Variants in FHIT observed in about 807,000 individuals in gnomAD.
FHIT encodes bis(5'-adenosyl)-triphosphatase.
A neutral mutation model predicts 17.9 loss-of-function variants in FHIT; 19 were observed. The ratio of observed to expected loss-of-function variants is 1.06; its 90% CI spans 0.74 to 1.56. The LOEUF (loss-of-function observed/expected upper bound fraction) is 1.56. FHIT is among the 40% of genes most tolerant of loss of function. The pLI, the probability that FHIT is intolerant of heterozygous loss-of-function variation, is 0.00. For missense variants in FHIT, 248 were observed against 189.2 expected, an observed-to-expected ratio of 1.31 and a Z score of -1.82; for synonymous variants, 81 against 69.7, an observed-to-expected ratio of 1.16 and a Z score of -0.81.
chr3:61,033,756 A>G (rs534046470), intron 3 of FHIT, among the ~76,000 whole-genome samples: 1 of 152,322 alleles, frequency 6.6e-6, no homozygotes, highest in South Asian at 2.1e-4. Flanking sequence ...TTCTTTTAAT[A>G]ATTATCCTAA....
chr3:60,945,681 G>C (rs1708606762), intron 3 of FHIT, among the ~76,000 whole-genome samples: 1 of 152,138 alleles, frequency 6.6e-6, no homozygotes, highest in Non-Finnish European at 1.5e-5. Context: ...AGTTCATGCA[G>C]AATACCAGAA....
rs138766274 is a variant in FHIT at position 60,168,285 on chromosome 3, G to A, written c.104-154133C>T. On this transcript the variant is annotated intron_variant, in intron 5 of 9. Transcript: ENST00000492590. ...ACTGCTTCTCTATGATTGTTAGGCC[G>A]ATGTAATTAATCTAACACATGGAGC... is the stretch of plus-strand genomic sequence containing the variant. 2.2e-4 allele frequency among the ~76,000 whole-genome samples: 33 copies of A among 152,252 alleles called. No homozygotes were observed. In the East Asian group the frequency reaches 6.0e-3, roughly 28 times the overall value.
intron 8 of FHIT, among the ~76,000 whole-genome samples, chr3:59,809,661 G>C (rs1047940054): frequency 2.0e-5 from 3 of 152,178 alleles, no homozygotes; most frequent in African/African-American, 7.2e-5. Context: ...AATAGGGTCT[G>C]ATTTCACTGA....
chr3:60,659,736 T>C (rs1179218473), intron 4 of FHIT, among the ~76,000 whole-genome samples: 1 of 152,218 alleles, frequency 6.6e-6, no homozygotes, highest in African/African-American at 2.4e-5. Context: ...TTTTAGACTC[T>C]TTGTCTAGTA....
intron 5 of FHIT, among the ~76,000 whole-genome samples, chr3:60,037,961 G>T (rs892634967): frequency 1.3e-5 from 2 of 152,104 alleles, no homozygotes; most frequent in Non-Finnish European, 2.9e-5. Context: ...CAATCTGCCC[G>T]CCTCGGCCTC....
intron 5 of FHIT, among the ~76,000 whole-genome samples, chr3:60,410,275 G>A (rs1297014886): frequency 6.6e-6 from 1 of 152,098 alleles, no homozygotes; most frequent in Non-Finnish European, 1.5e-5. Flanking sequence ...GGTACAAGAT[G>A]GCAGGTAATG....
chr3:60,347,811 T>G (rs897901043), intron 5 of FHIT, among the ~76,000 whole-genome samples: 3 of 151,886 alleles, frequency 2.0e-5, no homozygotes, highest in Non-Finnish European at 2.9e-5. Context: ...CAGGCTGGAG[T>G]GCAATAGCAC....
intron 2 of FHIT, among the ~76,000 whole-genome samples, chr3:61,137,262 CTTTTTTTTT>C (rs67142172): frequency 2.8e-5 from 3 of 105,510 alleles, no homozygotes; most frequent in South Asian, 6.1e-4. Flanking sequence ...AGGTTTCACT[CTTTTTTTTT>C]TTTTTTTTTT....
chr3:60,080,661 T>C (rs956071437), intron 5 of FHIT: 1 of 152,066 alleles, frequency 6.6e-6, no homozygotes, highest in Admixed American at 6.6e-5. Flanking sequence ...CTGAGCCTGT[T>C]TGAATTCATA....
intron 5 of FHIT, among the ~76,000 whole-genome samples, chr3:60,034,578 C>G (rs905878462): frequency 8.5e-5 from 13 of 152,208 alleles, no homozygotes; most frequent in African/African-American, 2.6e-4. Flanking sequence ...AATATAAATC[C>G]AGATTACACA....
At chr3:59,933,979 G>T (rs943450060) in intron 7 of FHIT, among the ~76,000 whole-genome samples, 2 of 152,056 alleles carry the variant, frequency 1.3e-5, no homozygotes, top group Non-Finnish European at 2.9e-5. Context: ...GGAGGGAAAA[G>T]AAATACTTTA....
chr3:61,005,008 G>A (rs570518735), intron 3 of FHIT, among the ~76,000 whole-genome samples: 1 of 152,276 alleles, frequency 6.6e-6, no homozygotes, highest in East Asian at 1.9e-4. Flanking sequence ...GAGAGGTACA[G>A]CAGAGAGGGA....
At chr3:60,132,029 A>G (rs1353065449) in intron 5 of FHIT, among the ~76,000 whole-genome samples, 1 of 152,084 alleles carries the variant, frequency 6.6e-6, no homozygotes, top group Non-Finnish European at 1.5e-5. Context: ...GAACCTTTAC[A>G]TACCCTGGCT....
chr3:61,150,890 T>A (rs915588312), intron 2 of FHIT, among the ~76,000 whole-genome samples: 1 of 152,184 alleles, frequency 6.6e-6, no homozygotes, highest in Non-Finnish European at 1.5e-5. Context: ...CCAAATATTA[T>A]TAAATTGGCC....
intron 4 of FHIT, among the ~76,000 whole-genome samples, chr3:60,748,671 G>A (rs2042406308): frequency 6.6e-6 from 1 of 152,108 alleles, no homozygotes; most frequent in Non-Finnish European, 1.5e-5. Flanking sequence ...AATTAGCCAG[G>A]TGTGGTGGCA....
chr3:60,438,142 T>C (rs1218520606), intron 5 of FHIT, among the ~76,000 whole-genome samples: 2 of 152,048 alleles, frequency 1.3e-5, no homozygotes, highest in African/African-American at 4.8e-5. Context: ...ATTTGCACCG[T>C]AGTCCAGCTC....
At chr3:60,274,591 T>C (rs905062206) in intron 5 of FHIT, among the ~76,000 whole-genome samples, 2 of 152,198 alleles carry the variant, frequency 1.3e-5, no homozygotes, top group Non-Finnish European at 2.9e-5. Context: ...AACAAAAACA[T>C]GCCCATAGCA....
At chr3:61,108,801 T>G (rs1335680193) in intron 2 of FHIT, among the ~76,000 whole-genome samples, 1 of 152,198 alleles carries the variant, frequency 6.6e-6, no homozygotes, top group Non-Finnish European at 1.5e-5. Context: ...ATAGCTAGGC[T>G]ATCAAATACT....
chr3:60,017,231 A>G (rs1021514732), intron 5 of FHIT, among the ~76,000 whole-genome samples: 3 of 152,200 alleles, frequency 2.0e-5, no homozygotes, highest in African/African-American at 4.8e-5. Flanking sequence ...CTGAACGCTT[A>G]AGAAACACCT....
Sources: gnomAD v4.1 joint callset for allele counts (sites outside exome capture counted in the v4.1 genomes callset) on GRCh38, gnomAD v4.1.1 for gene constraint, MANE v1.5 for transcripts, NCBI Gene and HGNC (gene_info 2026-07-23, HGNC 2026-07-21) for gene names.